Variants in KHDRBS3 observed in about 807,000 individuals in gnomAD.
The protein encoded by KHDRBS3 is KH domain-containing, RNA-binding, signal transduction-associated protein 3.
In KHDRBS3, 23 loss-of-function variants were observed where a neutral mutation model predicts 45.6. The ratio of observed to expected loss-of-function variants is 0.50; its 90% CI spans 0.36 to 0.72. The LOEUF is 0.72. Ranked by LOEUF, KHDRBS3 falls within the 30% of genes least tolerant of loss-of-function variation. The pLI is 0.00. For synonymous variants in KHDRBS3, 162 were observed against 156.5 expected, an observed-to-expected ratio of 1.04 and a Z score of -0.26; for missense variants, 352 against 424.8, an observed-to-expected ratio of 0.83 and a Z score of 1.51.
chr8:135,582,436 C>G (rs1264346486), intron 6 of KHDRBS3, among the ~76,000 whole-genome samples: 8 of 152,168 alleles, frequency 5.3e-5, no homozygotes. Flanking sequence ...CCTGCGTATA[C>G]CAAGATGGTT....
intron 7 of KHDRBS3, among the ~76,000 whole-genome samples, chr8:135,623,826 C>T (rs1257590499): frequency 3.3e-5 from 5 of 152,130 alleles, no homozygotes; most frequent in Non-Finnish European, 7.3e-5. Context: ...CACTACACAA[C>T]AATTTTATCA....
intron 5 of KHDRBS3, among the ~76,000 whole-genome samples, chr8:135,575,416 C>T (rs185940004): frequency 6.6e-6 from 1 of 152,214 alleles, no homozygotes; most frequent in Non-Finnish European, 1.5e-5. Context: ...CCCAGCTCCA[C>T]AGAGCTTATG....
At chr8:135,606,845 A>G (rs1563801979) in intron 6 of KHDRBS3, 110 bp from the exon 7 acceptor site, 3 of 744,836 alleles carry the variant, frequency 4.0e-6, no homozygotes, top group Non-Finnish European at 4.5e-6. Context: ...CTATAAGTAG[A>G]CATATAATTA....
At position 135,581,977 on chromosome 8, in the gene KHDRBS3, G is replaced by A. The variant is rs1828234923; in HGVS notation, c.711G>A (p.Arg237=). ...TGTCCACCCGAGGGCCAGTGAGTCGGGGAAGAGGACTTCTCACTCCCAGAG... is the reference window on the plus strand; with the variant it reads ...TGTCCACCCGAGGGCCAGTGAGTCGAGGAAGAGGACTTCTCACTCCCAGAG... ...GVLSTRGPVS[R]GRGLLTPRAR... The change falls in exon 6 of 9, where the codon CGG becomes CGA. Residue 237 remains arginine (R), a synonymous_variant. Coordinates refer to ENST00000355849, the MANE Select transcript of KHDRBS3 (RefSeq NM_006558.3). 2 of 1,613,404 alleles carry A rather than the reference G, an allele frequency of 1.2e-6. No individual in the cohort carries two copies. Among genetic ancestry groups the A allele is most frequent in the African/African-American group, 2.7e-5 (2 of 74,876 alleles).
rs1464247928 is a variant in KHDRBS3, at chr8:135,478,004, TA to T, written c.88+20051del. On this transcript the variant is annotated intron_variant, in intron 1 of 8. Transcript: ENST00000355849. ...CCTGTCAGATCAGCACCACCGGCAT[TA>T]GAGTCTCATAGGAGTACAAACCCTG... Among the ~76,000 whole-genome samples the T allele has an allele frequency of 4.6e-5, 7 of 152,260 alleles. No homozygotes were observed. The East Asian group carries it at 1.4e-3, about 29-fold the overall frequency.
At chr8:135,604,293 T>C (rs537849685) in intron 6 of KHDRBS3, among the ~76,000 whole-genome samples, 2 of 90,172 alleles carry the variant, frequency 2.2e-5, no homozygotes, top group African/African-American at 8.3e-5. Flanking sequence ...ATACTTTTCC[T>C]TTCAACCTGT....
chr8:135,593,635 G>T (rs553142051), intron 6 of KHDRBS3, among the ~76,000 whole-genome samples: 1 of 152,108 alleles, frequency 6.6e-6, no homozygotes, highest in South Asian at 2.1e-4. Context: ...GTGCCACTTT[G>T]CCCGGCTAAT....
intron 7 of KHDRBS3, among the ~76,000 whole-genome samples, chr8:135,632,784 A>G (rs1053978278): frequency 6.6e-6 from 1 of 152,066 alleles, no homozygotes; most frequent in South Asian, 2.1e-4. Context: ...CTGCCTTCTT[A>G]CTGATTCTGT....
intron 6 of KHDRBS3, among the ~76,000 whole-genome samples, chr8:135,584,320 A>G (rs115401273): frequency 2.3e-3 from 345 of 152,328 alleles, no homozygotes; most frequent in African/African-American, 7.9e-3. Context: ...GCTTCATACA[A>G]TTACAAGTCT....
At chr8:135,509,974 C>CCCT (rs1824193099) in intron 1 of KHDRBS3, among the ~76,000 whole-genome samples, 2 of 122,938 alleles carry the variant, frequency 1.6e-5, no homozygotes, top group Admixed American at 8.5e-5. Context: ...TTCCCCCCCC[C>CCCT]TTTTTTTTTT....
chr8:135,478,206 G>A (rs1338006958), intron 1 of KHDRBS3, among the ~76,000 whole-genome samples: 3 of 152,336 alleles, frequency 2.0e-5, no homozygotes, highest in Admixed American at 1.3e-4. Context: ...GGAGCCTCTA[G>A]AAGGAATGCT....
chr8:135,550,991 C>T (rs1180725476), intron 4 of KHDRBS3, among the ~76,000 whole-genome samples: 1 of 152,108 alleles, frequency 6.6e-6, no homozygotes. Context: ...TTTGATACTA[C>T]TGTGAGTGCA....
At chr8:135,556,715 C>CT (rs1826904932) in intron 4 of KHDRBS3, among the ~76,000 whole-genome samples, 1 of 152,100 alleles carries the variant, frequency 6.6e-6, no homozygotes, top group Admixed American at 6.6e-5. Context: ...TGAACTTTCC[C>CT]TTTTTTGTAA....
At chr8:135,524,078 C>T (rs748895332) in intron 2 of KHDRBS3, among the ~76,000 whole-genome samples, 2 of 151,968 alleles carry the variant, frequency 1.3e-5, no homozygotes, top group African/African-American at 2.4e-5. Flanking sequence ...TGCAGTCACG[C>T]GACCTTGACT....
intron 6 of KHDRBS3, among the ~76,000 whole-genome samples, chr8:135,602,125 G>A (rs181036349): frequency 1.3e-5 from 2 of 152,206 alleles, no homozygotes; most frequent in Admixed American, 6.5e-5. Context: ...GTTGTTCTCA[G>A]CCAGTGACCT....
rs1305312756 is a variant in KHDRBS3 at position 135,500,538 on chromosome 8, C to G, written c.89-20699C>G. On this transcript the variant is annotated intron_variant, in intron 1 of 8. Transcript: ENST00000355849. ...CTCTCTTCAGGGAAGGCAGTTAGCT[C>G]TTAACTATGGGCCTTGGCTGGGCTG... Among the ~76,000 whole-genome samples the G allele has an allele frequency of 1.1e-4, 16 of 152,232 alleles. No homozygotes were observed. The East Asian group carries it at 2.7e-3, about 26-fold the overall frequency.
At chr8:135,636,907 C>T (rs1243687859) in intron 7 of KHDRBS3, among the ~76,000 whole-genome samples, 1 of 152,208 alleles carries the variant, frequency 6.6e-6, no homozygotes, top group African/African-American at 2.4e-5. Context: ...TTTAACAAAA[C>T]AAGACGAGAA....
chr8:135,533,667 T>C (rs1825592173), intron 2 of KHDRBS3, among the ~76,000 whole-genome samples: 1 of 152,212 alleles, frequency 6.6e-6, no homozygotes, highest in Non-Finnish European at 1.5e-5. Flanking sequence ...CCTTCCTCCT[T>C]TCTCACAGTT....
chr8:135,493,918 T>C (rs1424325462), intron 1 of KHDRBS3, among the ~76,000 whole-genome samples: 1 of 152,196 alleles, frequency 6.6e-6, no homozygotes, highest in Non-Finnish European at 1.5e-5. Flanking sequence ...GCTTTTAAAC[T>C]ATGAATTTAG....
Sources: gnomAD v4.1 joint callset for allele counts (sites outside exome capture counted in the v4.1 genomes callset) on GRCh38, gnomAD v4.1.1 for gene constraint, MANE v1.5 for transcripts, NCBI Gene and HGNC (gene_info 2026-07-23, HGNC 2026-07-21) for gene names.